CADM2: variants seen among roughly 807,000 people sequenced by gnomAD.
CADM2 encodes the protein cell adhesion molecule 2.
CADM2 carries 12 observed loss-of-function variants against 49.8 expected under a neutral mutation model. The ratio of observed to expected loss-of-function variants is 0.24; its 90% CI spans 0.15 to 0.39. CADM2 has a LOEUF of 0.39. Ranked by LOEUF, CADM2 falls within the 10% of genes least tolerant of loss-of-function variation. The pLI is 1.00. For synonymous variants in CADM2, 214 were observed against 175.4 expected (o/e 1.22, Z -1.74); for missense variants, 378 against 492.3 (o/e 0.77, Z 2.20).
At chr3:85,391,278 C>T (rs766795448) in intron 1 of CADM2, among the ~76,000 whole-genome samples, 6 of 151,242 alleles carry the variant, frequency 4.0e-5, no homozygotes, top group African/African-American at 7.3e-5. Flanking sequence ...AACAGAAAGA[C>T]GGAAAAAAGG....
chr3:85,838,070 T>G (rs948766853), intron 3 of CADM2, among the ~76,000 whole-genome samples: 3 of 151,790 alleles, frequency 2.0e-5, no homozygotes, highest in African/African-American at 7.3e-5. Flanking sequence ...ACAACAATAT[T>G]TTAGAATCAC....
chr3:85,505,777 A>G (rs1388613422), intron 1 of CADM2, among the ~76,000 whole-genome samples: 1 of 152,234 alleles, frequency 6.6e-6, no homozygotes, highest in Non-Finnish European at 1.5e-5. Flanking sequence ...AAATATTGGA[A>G]ACATTAAGAA....
At chr3:85,612,238 C>T (rs192007275) in intron 1 of CADM2, among the ~76,000 whole-genome samples, 1 of 151,886 alleles carries the variant, frequency 6.6e-6, no homozygotes, top group East Asian at 1.9e-4. Flanking sequence ...ATTATAACAA[C>T]AATAGCAACT....
chr3:85,769,643 A>T (rs2069963016), intron 2 of CADM2, among the ~76,000 whole-genome samples: 1 of 134,112 alleles, frequency 7.5e-6, no homozygotes, highest in Admixed American at 7.6e-5. Context: ...ACACATATAT[A>T]CATATATACA....
chr3:85,272,139 A>G (rs942393680), intron 1 of CADM2, among the ~76,000 whole-genome samples: 27 of 151,240 alleles, frequency 1.8e-4, no homozygotes, highest in African/African-American at 5.1e-4. Flanking sequence ...GGGCAAGAAA[A>G]TAACAGAGAA....
At chr3:85,185,346 G>A (rs2041034207) in intron 1 of CADM2, among the ~76,000 whole-genome samples, 1 of 151,658 alleles carries the variant, frequency 6.6e-6, no homozygotes, top group African/African-American at 2.4e-5. Flanking sequence ...AAAAAATGAT[G>A]GTCCTTATTG....
intron 8 of CADM2, chr3:85,992,320 G>A (rs982602719): frequency 6.6e-6 from 1 of 151,920 alleles, no homozygotes; most frequent in South Asian, 2.1e-4. Context: ...TTGTAATTCT[G>A]TATTTCTTAA....
chr3:86,061,986 T>TA (rs1553731920), intron 8 of CADM2, among the ~76,000 whole-genome samples: 2 of 132,990 alleles, frequency 1.5e-5, no homozygotes, highest in Non-Finnish European at 3.3e-5. Context: ...CTGTTGATGG[T>TA]GGGGGGGGGG....
At chr3:85,708,272 C>A (rs1030547448) in intron 1 of CADM2, among the ~76,000 whole-genome samples, 1 of 151,682 alleles carries the variant, frequency 6.6e-6, no homozygotes, top group Non-Finnish European at 1.5e-5. Flanking sequence ...CTATGTTTTT[C>A]TTTTTTTTAA....
chr3:85,813,784 A>G (rs2073035823), intron 3 of CADM2, among the ~76,000 whole-genome samples: 1 of 152,154 alleles, frequency 6.6e-6, no homozygotes, highest in Non-Finnish European at 1.5e-5. Context: ...AACACCATTT[A>G]TTAAATATGG....
chr3:85,839,104 C>T lies in CADM2; in HGVS notation c.238+36908C>T, dbSNP rs987111026. 2.6e-4 allele frequency among the ~76,000 whole-genome samples: 40 copies of T among 151,866 alleles called. 1 individual carries two copies. Among genetic ancestry groups the T allele is most frequent in the Non-Finnish European group, 5.2e-4 (35 of 67,810 alleles). ...ATATTACAATGCCTACTTGTCACAG[C>T]TATTCTTCCCTGAAGCAAATTTAAC... On this transcript the variant is annotated intron_variant, in intron 3 of 9. Transcript: ENST00000383699.
In CADM2 at chr3:85,049,775, G is replaced by A. The variant is rs561374845; in HGVS notation, c.61+90107G>A. Among the ~76,000 whole-genome samples, 16 of 152,252 alleles carry A rather than the reference G, an allele frequency of 1.1e-4. No homozygotes were observed. In the East Asian group the frequency reaches 3.1e-3, roughly 29 times the overall value. Reference sequence around the variant, plus strand: ...ATAAATATTAACACCTAGGTGATGTGGTGTTCAGTTGTTCCTGAAAACTAA... The same window carrying A: ...ATAAATATTAACACCTAGGTGATGTAGTGTTCAGTTGTTCCTGAAAACTAA... On this transcript the variant is annotated intron_variant, in intron 1 of 9. Coordinates refer to ENST00000383699, the MANE Select transcript of CADM2 (RefSeq NM_001167675.2).
At chr3:85,166,461 A>G (rs1466121082) in intron 1 of CADM2, among the ~76,000 whole-genome samples, 1 of 151,872 alleles carries the variant, frequency 6.6e-6, no homozygotes, top group Non-Finnish European at 1.5e-5. Flanking sequence ...ATTTACATGA[A>G]CAATAAGAAA....
chr3:85,778,170 A>G (rs1013939728), intron 2 of CADM2, among the ~76,000 whole-genome samples: 2 of 152,106 alleles, frequency 1.3e-5, no homozygotes, highest in African/African-American at 2.4e-5. Flanking sequence ...TGTTTATATT[A>G]TTTTGGTGTT....
At chr3:86,009,430 A>G (rs923001735) in intron 8 of CADM2, among the ~76,000 whole-genome samples, 1 of 151,652 alleles carries the variant, frequency 6.6e-6, no homozygotes, top group East Asian at 1.9e-4. Context: ...GTTTTTTACT[A>G]TTATTTTAGG....
At chr3:85,119,460 G>C (rs187786776) in intron 1 of CADM2, among the ~76,000 whole-genome samples, 193 of 152,210 alleles carry the variant, frequency 1.3e-3, no homozygotes, top group African/African-American at 4.3e-3. Context: ...TTTTTGCTTA[G>C]GATTGTCTTA....
chr3:85,795,005 A>G (rs934450710), intron 2 of CADM2, among the ~76,000 whole-genome samples: 1 of 152,090 alleles, frequency 6.6e-6, no homozygotes, highest in Non-Finnish European at 1.5e-5. Context: ...TTGGGGTACA[A>G]TGTGATTTTT....
At chr3:85,620,920 ATTAG>A (rs886824441) in intron 1 of CADM2, among the ~76,000 whole-genome samples, 1 of 152,128 alleles carries the variant, frequency 6.6e-6, no homozygotes, top group Non-Finnish European at 1.5e-5. Context: ...TTTTTTTGGA[ATTAG>A]TTCTTGTTGT....
chr3:85,549,761 T>A (rs1353804501), intron 1 of CADM2, among the ~76,000 whole-genome samples: 1 of 151,022 alleles, frequency 6.6e-6, no homozygotes, highest in Non-Finnish European at 1.5e-5. Context: ...GTAGCTGGGA[T>A]TACAGGCATG....
Sources: allele counts gnomAD v4.1 joint callset (sites outside exome capture counted in the v4.1 genomes callset), GRCh38; gene constraint gnomAD v4.1.1; transcripts MANE v1.5; gene names NCBI Gene and HGNC (gene_info 2026-07-23, HGNC 2026-07-21).